Variants in LMCD1 observed in about 807,000 individuals in gnomAD.
LMCD1 encodes the protein LIM and cysteine-rich domains protein 1.
A neutral mutation model predicts 42.7 loss-of-function variants in LMCD1; 32 were observed. That is an observed-to-expected ratio of 0.75 (90% CI 0.57 to 1.01). The LOEUF (loss-of-function observed/expected upper bound fraction) is 1.01, where lower values mean the gene tolerates loss of function less well. LMCD1 is among the 50% of genes least tolerant of loss of function. The pLI, the probability that LMCD1 is intolerant of heterozygous loss-of-function variation, is 0.00. For synonymous variants in LMCD1, 178 were observed against 184.9 expected (o/e 0.96, Z 0.30); for missense variants, 458 against 483.1 (o/e 0.95, Z 0.49).
chr3:8,519,207 A>G (rs745676201), intron 1 of LMCD1, among the ~76,000 whole-genome samples: 3 of 152,242 alleles, frequency 2.0e-5, no homozygotes, highest in African/African-American at 7.2e-5. Flanking sequence ...CATGGTAGAT[A>G]CTACAAAATA....
chr3:8,514,928 G>A, intron 1 of LMCD1: 1 of 456,550 alleles, frequency 2.2e-6, no homozygotes, highest in South Asian at 1.5e-5. Flanking sequence ...TATCTAGATG[G>A]TGATCACATG....
At chr3:8,559,912 T>C (rs1694999994) in intron 4 of LMCD1, among the ~76,000 whole-genome samples, 1 of 152,190 alleles carries the variant, frequency 6.6e-6, no homozygotes, top group South Asian at 2.1e-4. Context: ...TAGAAACCAG[T>C]CCAAGAGCCA....
chr3:8,545,668 AC>A (rs1353131456), intron 3 of LMCD1, among the ~76,000 whole-genome samples: 5 of 152,010 alleles, frequency 3.3e-5, no homozygotes, highest in Non-Finnish European at 7.4e-5. Context: ...TGTACCCCAC[AC>A]CTCACCTACT....
At chr3:8,511,011 C>A (rs546794408) in intron 1 of LMCD1, among the ~76,000 whole-genome samples, 4 of 152,294 alleles carry the variant, frequency 2.6e-5, no homozygotes, top group Non-Finnish European at 5.9e-5. Flanking sequence ...GGATTGAGGT[C>A]TGAGGCTCTT....
chr3:8,514,749 C>T (rs1019593788), intron 1 of LMCD1, among the ~76,000 whole-genome samples: 1 of 152,128 alleles, frequency 6.6e-6, no homozygotes, highest in African/African-American at 2.4e-5. Context: ...AAACCAGACA[C>T]AAAAGAATAC....
In LMCD1 at chr3:8,548,643, C is replaced by T. The variant is rs145385804; in HGVS notation, c.463C>T (p.Arg155Cys). 1.8e-4 allele frequency: 298 copies of T among 1,614,180 alleles called. 1 individual carries two copies. In the East Asian group the frequency reaches 5.3e-3, roughly 29 times the overall value. ...TGTEGAFYRR[R>C]QLMHQLPIYD... ...CACAGAGGGTGCCTTTTACCGCCGCCGCCAGCTCATGCACCAGCTCCCCAT... is the reference window on the plus strand; with the variant it reads ...CACAGAGGGTGCCTTTTACCGCCGCTGCCAGCTCATGCACCAGCTCCCCAT... The change falls in exon 4 of 6, where the codon CGC becomes TGC. Residue 155 changes from arginine to cysteine, a missense_variant. Arg to Cys is a radical substitution (Grantham distance 180). Transcript: ENST00000157600.
intron 3 of LMCD1, among the ~76,000 whole-genome samples, chr3:8,539,332 C>T (rs547186024): frequency 6.6e-6 from 1 of 152,272 alleles, no homozygotes; most frequent in South Asian, 2.1e-4. Flanking sequence ...TCCATGGACT[C>T]GATCACCCTG....
chr3:8,558,061 TGA>T (rs1358476236), intron 4 of LMCD1, among the ~76,000 whole-genome samples: 1 of 152,126 alleles, frequency 6.6e-6, no homozygotes, highest in Admixed American at 6.5e-5. Flanking sequence ...GTGTGTGTAC[TGA>T]GAGAGAGAGC....
Position 8,565,550 on chromosome 3 carries a change from C to T in LMCD1, c.842C>T (p.Pro281Leu). The change falls in exon 5 of 6, where the codon CCG (proline) becomes CTG (leucine). Residue 281 changes from proline to leucine, a missense_variant. Coordinates refer to ENST00000157600, the MANE Select transcript of LMCD1 (RefSeq NM_014583.4). ...TCFVCAKCSE[P>L]LVDLIYFWKD... ...TTTGTGTGTGCCAAGTGCTCCGAGC[C>T]GCTGGTGGACCTCATCTACTTCTGG... The T allele has an allele frequency of 2.5e-6, 4 of 1,614,164 alleles. No homozygotes were observed. The highest frequency in any genetic ancestry group is 3.4e-6 in the Non-Finnish European group (4 of 1,180,020).
chr3:8,560,860 G>A (rs76319647), intron 4 of LMCD1, among the ~76,000 whole-genome samples: 1 of 152,270 alleles, frequency 6.6e-6, no homozygotes, highest in East Asian at 1.9e-4. Context: ...AATCTAGCAT[G>A]TTCTAAGGAA....
intron 1 of LMCD1, among the ~76,000 whole-genome samples, chr3:8,511,604 C>A (rs1249009145): frequency 6.6e-6 from 1 of 152,180 alleles, no homozygotes; most frequent in African/African-American, 2.4e-5. Context: ...GATGAATGAG[C>A]TGTTAGGATC....
chr3:8,530,091 C>T (rs1299107939), intron 1 of LMCD1, among the ~76,000 whole-genome samples: 1 of 152,204 alleles, frequency 6.6e-6, no homozygotes, highest in Non-Finnish European at 1.5e-5. Flanking sequence ...CTCTCTACCT[C>T]ACTTCTTGCT....
intron 3 of LMCD1, among the ~76,000 whole-genome samples, chr3:8,540,133 A>C (rs943478326): frequency 1.3e-5 from 2 of 152,158 alleles, no homozygotes; most frequent in Non-Finnish European, 2.9e-5. Context: ...TCGCAAGGAC[A>C]GAAAACCAAA....
intron 5 of LMCD1, among the ~76,000 whole-genome samples, chr3:8,566,230 A>G (rs1695130683): frequency 6.6e-6 from 1 of 152,246 alleles, no homozygotes; most frequent in Non-Finnish European, 1.5e-5. Context: ...AGATGCTATG[A>G]AAGAGATTCA....
chr3:8,504,773 T>C (rs1198759094), intron 1 of LMCD1, among the ~76,000 whole-genome samples: 1 of 152,236 alleles, frequency 6.6e-6, no homozygotes, highest in Non-Finnish European at 1.5e-5. Context: ...TCCCTGAGAA[T>C]GGTGAAATCG....
chr3:8,502,139 C>T (rs1371605852), intron 1 of LMCD1, among the ~76,000 whole-genome samples, 159 bp downstream of exon 1: 1 of 148,098 alleles, frequency 6.8e-6, no homozygotes. Flanking sequence ...TTTGAGCTAA[C>T]AGGCACACAC....
In LMCD1 at chr3:8,570,804, A is replaced by C. The variant is rs1394656720; in HGVS notation, c.*3206A>C. On this transcript the variant is annotated 3_prime_UTR_variant, in exon 6 of 6. Coordinates refer to ENST00000157600, the MANE Select transcript of LMCD1 (RefSeq NM_014583.4). ...AAAAATTGAAACTGTTTTACCTTGC[A>C]GTCGAGTTTCTTATTTTTCCTGCCC... The C allele has an allele frequency of 6.6e-6, 1 of 152,212 alleles. No homozygotes were observed. The highest frequency in any genetic ancestry group is 1.5e-5 in the Non-Finnish European group (1 of 68,060). The allele number at this position is 152,212 out of a possible 1,614,324, so 9.4% of individuals were successfully genotyped here.
intron 3 of LMCD1, among the ~76,000 whole-genome samples, chr3:8,543,605 C>A (rs189372094): frequency 3.2e-4 from 48 of 152,316 alleles, no homozygotes; most frequent in African/African-American, 1.1e-3. Context: ...ACCTCAGCCA[C>A]TGAAGTAGCC....
chr3:8,553,182 GGC>G (rs913757256), intron 4 of LMCD1, among the ~76,000 whole-genome samples: 1 of 152,046 alleles, frequency 6.6e-6, no homozygotes, highest in African/African-American at 2.4e-5. Flanking sequence ...CTGAGGCCAG[GGC>G]CCCACTTTCC....
Sources: gnomAD v4.1 joint callset for allele counts (sites outside exome capture counted in the v4.1 genomes callset) on GRCh38, gnomAD v4.1.1 for gene constraint, MANE v1.5 for transcripts, NCBI Gene and HGNC (gene_info 2026-07-23, HGNC 2026-07-21) for gene names.